The following MAGI2 variants were observed in gnomAD, a reference collection of about 807,000 sequenced individuals.
The protein encoded by MAGI2 is membrane-associated guanylate kinase, WW and PDZ domain-containing protein 2.
Under a neutral mutation model 133.3 loss-of-function variants are expected in MAGI2, and 35 were observed. The observed-to-expected ratio is 0.26, with a 90% CI of 0.20 to 0.35. The LOEUF (loss-of-function observed/expected upper bound fraction) is 0.35, where lower values mean the gene tolerates loss of function less well. Among genes scored for constraint, MAGI2 ranks in the 10% least tolerant of loss-of-function variants. MAGI2 has a pLI of 1.00. For synonymous variants in MAGI2, 729 were observed against 710.6 expected, an observed-to-expected ratio of 1.03 and a Z score of -0.41; for missense variants, 1,636 against 1,863.4, an observed-to-expected ratio of 0.88 and a Z score of 2.25.
chr7:79,132,466 A>T (rs1347452525), intron 1 of MAGI2, among the ~76,000 whole-genome samples: 1 of 152,098 alleles, frequency 6.6e-6, no homozygotes, highest in Non-Finnish European at 1.5e-5. Context: ...TGCAATAGAC[A>T]TTATTTCATT....
At chr7:78,617,885 CCCTGAGAGAAATAACAGA>C (rs1807278715) in intron 3 of MAGI2, 1 of 151,880 alleles carries the variant, frequency 6.6e-6, no homozygotes, top group Non-Finnish European at 1.5e-5. Context: ...TTTCTATTTC[CCCTGAGAGAAATAACAGA>C]CCTGAGGTCA....
At chr7:78,564,934 C>T (rs991716578) in intron 3 of MAGI2, among the ~76,000 whole-genome samples, 1 of 151,482 alleles carries the variant, frequency 6.6e-6, no homozygotes, top group Non-Finnish European at 1.5e-5. Flanking sequence ...GCTGGGACTA[C>T]AGGCACCCGC....
intron 2 of MAGI2, among the ~76,000 whole-genome samples, chr7:78,882,129 A>AAG (rs1395181225): frequency 6.8e-6 from 1 of 147,772 alleles, no homozygotes; most frequent in Non-Finnish European, 1.5e-5. Flanking sequence ...ACAAAAAAAA[A>AAG]AGAGAGAGAG....
At chr7:79,427,240 C>G (rs1274855650) in intron 1 of MAGI2, among the ~76,000 whole-genome samples, 1 of 151,990 alleles carries the variant, frequency 6.6e-6, no homozygotes, top group East Asian at 1.9e-4. Context: ...CTTGAAGATT[C>G]TATGGAACAG....
At chr7:78,209,362 G>C (rs571872198) in intron 10 of MAGI2, among the ~76,000 whole-genome samples, 83 of 148,758 alleles carry the variant, frequency 5.6e-4, no homozygotes, top group African/African-American at 1.1e-3. Flanking sequence ...TACGGGTTCA[G>C]GCCATTCTCC....
intron 4 of MAGI2, among the ~76,000 whole-genome samples, chr7:78,506,652 A>G (rs557118237): frequency 6.6e-6 from 1 of 152,344 alleles, no homozygotes; most frequent in East Asian, 1.9e-4. Flanking sequence ...ACTGTGGCCA[A>G]AGCTTCTGCA....
At chr7:78,370,409 C>T (rs1486999401) in intron 6 of MAGI2, among the ~76,000 whole-genome samples, 1 of 151,896 alleles carries the variant, frequency 6.6e-6, no homozygotes, top group Non-Finnish European at 1.5e-5. Flanking sequence ...TGTAATTCAT[C>T]ATTTTTCTAT....
At chr7:78,057,018 T>C (rs563803575) in intron 21 of MAGI2, among the ~76,000 whole-genome samples, 3 of 149,508 alleles carry the variant, frequency 2.0e-5, no homozygotes, top group African/African-American at 7.4e-5. Flanking sequence ...CTATATATTT[T>C]ATATGTATAA....
chr7:79,245,980 G>C (rs1488236297), intron 1 of MAGI2, among the ~76,000 whole-genome samples: 2 of 152,186 alleles, frequency 1.3e-5, no homozygotes, highest in African/African-American at 4.8e-5. Flanking sequence ...AACAGCGTCT[G>C]CATGGTAATC....
At chr7:78,254,321 G>A (rs1792740480) in intron 10 of MAGI2, 1 of 152,198 alleles carries the variant, frequency 6.6e-6, no homozygotes, top group African/African-American at 2.4e-5. Context: ...GAATCATACA[G>A]TGGATACTGC....
chr7:78,887,563 A>G (rs901660169), intron 2 of MAGI2, among the ~76,000 whole-genome samples: 1 of 152,212 alleles, frequency 6.6e-6, no homozygotes, highest in African/African-American at 2.4e-5. Flanking sequence ...ATGAATGGCT[A>G]TATCATCGTA....
chr7:78,528,400 C>T (rs1413726663), intron 3 of MAGI2, among the ~76,000 whole-genome samples: 1 of 151,822 alleles, frequency 6.6e-6, no homozygotes, highest in African/African-American at 2.4e-5. Context: ...ATCAAAGGAC[C>T]CCAAATTCAA....
chr7:78,612,057 A>G (rs932996082), intron 3 of MAGI2, among the ~76,000 whole-genome samples: 1 of 152,202 alleles, frequency 6.6e-6, no homozygotes, highest in African/African-American at 2.4e-5. Flanking sequence ...ATTATTAGAT[A>G]TACATCTCTA....
chr7:78,999,515 C>A (rs564761638), intron 2 of MAGI2, among the ~76,000 whole-genome samples: 80 of 152,002 alleles, frequency 5.3e-4, no homozygotes, highest in African/African-American at 1.8e-3. Context: ...TTTGTTTAAT[C>A]GAAAGAAGAA....
chr7:78,964,788 A>G (rs530081167), intron 2 of MAGI2, among the ~76,000 whole-genome samples: 3 of 152,048 alleles, frequency 2.0e-5, no homozygotes, highest in Non-Finnish European at 4.4e-5. Context: ...GACTTTCCCT[A>G]GAACTTATGA....
intron 9 of MAGI2, among the ~76,000 whole-genome samples, chr7:78,257,731 T>A (rs187207888): frequency 2.6e-5 from 4 of 152,310 alleles, no homozygotes; most frequent in Admixed American, 2.6e-4. Context: ...CCATAATACT[T>A]GAAAATTGAG....
rs144013029 is a variant in MAGI2, at chr7:78,401,785, A to G, written c.1046-32572T>C. ...AATAAGTATTTTCTCCTCTTTAAAA[A>G]TGGAGACAATAATACCTACCACACA... On this transcript the variant is annotated intron_variant, in intron 6 of 21. Transcript: ENST00000354212. 4.2e-3 allele frequency among the ~76,000 whole-genome samples: 639 copies of G among 152,304 alleles called. 9 individuals are homozygous for G. Among genetic ancestry groups the G allele is most frequent in the African/African-American group, 0.015 (606 of 41,572 alleles).
At chr7:78,770,614 G>A (rs2151319086) in intron 2 of MAGI2, among the ~76,000 whole-genome samples, 1 of 152,266 alleles carries the variant, frequency 6.6e-6, no homozygotes, top group East Asian at 1.9e-4. Flanking sequence ...GACTCAGAAG[G>A]AGACATCATG....
chr7:79,388,679 G>C (rs1408980412), intron 1 of MAGI2, among the ~76,000 whole-genome samples: 2 of 151,620 alleles, frequency 1.3e-5, no homozygotes, highest in Admixed American at 1.3e-4. Context: ...TTCACAGAGT[G>C]GGAGGTCATC....
Sources: gnomAD v4.1 joint callset for allele counts (sites outside exome capture counted in the v4.1 genomes callset) on GRCh38, gnomAD v4.1.1 for gene constraint, MANE v1.5 for transcripts, NCBI Gene and HGNC (gene_info 2026-07-23, HGNC 2026-07-21) for gene names.